The following XKR4 variants were observed in gnomAD, a reference collection of about 807,000 sequenced individuals.
XKR4 encodes XK-related protein 4.
A neutral mutation model predicts 53.9 loss-of-function variants in XKR4; 12 were observed. The observed-to-expected ratio is 0.22, with a 90% CI of 0.14 to 0.36. The LOEUF (loss-of-function observed/expected upper bound fraction) is 0.36. XKR4 is among the 10% of genes least tolerant of loss of function. The pLI is 1.00. For synonymous variants in XKR4, 354 were observed against 362.4 expected (o/e 0.98, Z 0.26); for missense variants, 799 against 859.5 (o/e 0.93, Z 0.88).
In XKR4 at chr8:55,102,944, G is replaced by T. The variant is rs1240012107; in HGVS notation, c.456G>T (p.Val152=). 1 of 1,611,602 alleles carries T rather than the reference G, an allele frequency of 6.2e-7. No homozygotes were observed. Among genetic ancestry groups the T allele is most frequent in the Non-Finnish European group, 8.5e-7 (1 of 1,179,870 alleles). Residue 152 remains valine, a synonymous_variant, in exon 1 of 3, where the codon GTG becomes GTT. Coordinates refer to ENST00000327381, the MANE Select transcript of XKR4 (RefSeq NM_052898.2). This position sits in a 1 kb window ranked among gnomAD's most constrained non-coding sequence, Gnocchi z 5.1. ...RWWFGLTLFF[V]VLGSLSVQVF... ...GGTTCGGGCTCACGCTCTTCTTCGT[G>T]GTGCTCGGCTCTCTGTCGGTGCAAG... is the stretch of plus-strand genomic sequence containing the variant.
intron 2 of XKR4, among the ~76,000 whole-genome samples, chr8:55,470,670 G>A (rs180893236): frequency 2.6e-5 from 4 of 152,100 alleles, no homozygotes; most frequent in Admixed American, 2.6e-4. Context: ...AGTTGTGAAG[G>A]GACTTACATG....
chr8:55,163,000 T>A (rs1007737520), intron 1 of XKR4, among the ~76,000 whole-genome samples: 5 of 152,226 alleles, frequency 3.3e-5, no homozygotes, highest in African/African-American at 4.8e-5. Flanking sequence ...TGCTTTACAT[T>A]TTTTATTAAT....
chr8:55,156,899 T>C (rs13269034), intron 1 of XKR4, among the ~76,000 whole-genome samples: 1 of 152,144 alleles, frequency 6.6e-6, no homozygotes, highest in Non-Finnish European at 1.5e-5. Context: ...TCTGAGAAAA[T>C]TGTTAACAAT....
At chr8:55,209,346 A>G (rs1817695581) in intron 1 of XKR4, among the ~76,000 whole-genome samples, 1 of 152,114 alleles carries the variant, frequency 6.6e-6, no homozygotes, top group Non-Finnish European at 1.5e-5. Flanking sequence ...GAGGAGACTC[A>G]GCACAGAGAT....
intron 2 of XKR4, among the ~76,000 whole-genome samples, chr8:55,442,167 G>A (rs1158714137): frequency 6.6e-6 from 1 of 152,094 alleles, no homozygotes; most frequent in Non-Finnish European, 1.5e-5. Context: ...TAATATATTT[G>A]CTGAAGAAAA....
chr8:55,464,582 G>C (rs1199811905), intron 2 of XKR4, among the ~76,000 whole-genome samples: 3 of 152,074 alleles, frequency 2.0e-5, no homozygotes, highest in Non-Finnish European at 2.9e-5. Flanking sequence ...GCACAAGACA[G>C]GGATGCCCTC....
At chr8:55,487,297 ATTCT>A (rs1325317450) in intron 2 of XKR4, among the ~76,000 whole-genome samples, 1 of 152,168 alleles carries the variant, frequency 6.6e-6, no homozygotes, top group East Asian at 1.9e-4. Flanking sequence ...ACCAATTCAC[ATTCT>A]TTATTTGTTC....
chr8:55,224,707 T>C (rs75215273), intron 1 of XKR4, among the ~76,000 whole-genome samples: 4 of 152,216 alleles, frequency 2.6e-5, no homozygotes, highest in African/African-American at 7.2e-5. Context: ...TACTGAGAGA[T>C]GTGTTATGTA....
chr8:55,511,528 TA>T (rs1325194949), intron 2 of XKR4, among the ~76,000 whole-genome samples: 1 of 152,088 alleles, frequency 6.6e-6, no homozygotes, highest in Non-Finnish European at 1.5e-5. Context: ...AGGGACCCTA[TA>T]TTATGAGCTG....
chr8:55,252,871 C>T (rs1818379307), intron 1 of XKR4, among the ~76,000 whole-genome samples: 1 of 152,144 alleles, frequency 6.6e-6, no homozygotes, highest in African/African-American at 2.4e-5. Context: ...GAAGGTTGAT[C>T]AAAATCAGAA....
chr8:55,300,382 C>T (rs922174074), intron 1 of XKR4, among the ~76,000 whole-genome samples: 9 of 152,028 alleles, frequency 5.9e-5, no homozygotes, highest in East Asian at 3.9e-4. Context: ...GGAATGTTTG[C>T]GGCTTCAGAA....
chr8:55,321,749 G>T (rs886470069), intron 1 of XKR4, among the ~76,000 whole-genome samples: 1 of 152,134 alleles, frequency 6.6e-6, no homozygotes, highest in Non-Finnish European at 1.5e-5. Context: ...CCAGCACTTC[G>T]GGAGGCCAAG....
At chr8:55,439,431 G>A (rs917252949) in intron 2 of XKR4, among the ~76,000 whole-genome samples, 1 of 152,004 alleles carries the variant, frequency 6.6e-6, no homozygotes, top group Non-Finnish European at 1.5e-5. Flanking sequence ...GCAACAGATT[G>A]GCAAAGTCAG....
intron 2 of XKR4, among the ~76,000 whole-genome samples, chr8:55,431,410 A>G (rs1224093689): frequency 2.0e-5 from 3 of 152,242 alleles, no homozygotes; most frequent in African/African-American, 7.2e-5. Flanking sequence ...AAAGTTCAAA[A>G]TGCTTTTAAA....
At position 55,103,047 on chromosome 8, in the gene XKR4, C is replaced by A. The variant is rs758273493; in HGVS notation, c.559C>A (p.Gln187Lys). The change falls in exon 1 of 3, where the codon CAG (glutamine) becomes AAG (lysine). Residue 187 changes from glutamine (Q) to lysine (K), a missense_variant. Transcript: ENST00000327381. ...GGCCGCTGCTGCCTCCAGCTGCCCG[C>A]AGCCTGGAGCCGATTGCAAGACGGT... ...ATAAAASSCP[Q>K]PGADCKTVVG... 2 of 1,612,392 alleles carry A rather than the reference C, an allele frequency of 1.2e-6. No individual in the cohort carries two copies. Among genetic ancestry groups the A allele is most frequent in the South Asian group, 1.1e-5 (1 of 91,030 alleles).
chr8:55,420,337 G>A (rs537768582), intron 2 of XKR4, among the ~76,000 whole-genome samples: 11 of 152,072 alleles, frequency 7.2e-5, no homozygotes, highest in Non-Finnish European at 1.2e-4. Flanking sequence ...ACATGCACAC[G>A]TATGTTTATT....
At chr8:55,252,943 C>G (rs1242969045) in intron 1 of XKR4, among the ~76,000 whole-genome samples, 1 of 151,998 alleles carries the variant, frequency 6.6e-6, no homozygotes, top group Non-Finnish European at 1.5e-5. Context: ...TTCAGCTTGT[C>G]CTGCCTTATG....
chr8:55,513,490 C>G (rs1161576959), intron 2 of XKR4, among the ~76,000 whole-genome samples: 1 of 152,208 alleles, frequency 6.6e-6, no homozygotes, highest in Non-Finnish European at 1.5e-5. Context: ...AGAGGACCAG[C>G]CTGAACCTAT....
intron 1 of XKR4, among the ~76,000 whole-genome samples, chr8:55,178,502 T>C (rs748547315): frequency 6.6e-6 from 1 of 152,216 alleles, no homozygotes. Context: ...TAACTATTAT[T>C]ACTAAAACAG....
Sources: allele counts gnomAD v4.1 joint callset (sites outside exome capture counted in the v4.1 genomes callset), GRCh38; gene constraint gnomAD v4.1.1; non-coding constraint Gnocchi (gnomAD v3.1); transcripts MANE v1.5; gene names NCBI Gene and HGNC (gene_info 2026-07-23, HGNC 2026-07-21).